The following SEMA3A variants were observed in gnomAD, a reference collection of about 807,000 sequenced individuals.
The protein encoded by SEMA3A is semaphorin 3A, also known as semaphorin-3A.
A neutral mutation model predicts 97.9 loss-of-function variants in SEMA3A; 29 were observed. That is an observed-to-expected ratio of 0.30 (90% confidence interval 0.22 to 0.40). SEMA3A has a LOEUF of 0.40. Ranked by LOEUF, SEMA3A falls within the 10% of genes least tolerant of loss-of-function variation. SEMA3A has a pLI of 1.00. For synonymous variants in SEMA3A, 321 were observed against 323.7 expected (o/e 0.99, Z 0.09); for missense variants, 763 against 951.3 (o/e 0.80, Z 2.60).
chr7:84,351,747 G>A (rs1001257961), intron 2 of SEMA3A, among the ~76,000 whole-genome samples: 1 of 152,014 alleles, frequency 6.6e-6, no homozygotes, highest in Non-Finnish European at 1.5e-5. Context: ...GAAGTAAAGA[G>A]AACCCTTGTA....
At chr7:84,312,301 A>G (rs1006929975) in intron 2 of SEMA3A, among the ~76,000 whole-genome samples, 1 of 151,892 alleles carries the variant, frequency 6.6e-6, no homozygotes, top group Non-Finnish European at 1.5e-5. Flanking sequence ...TAAAGTTCTT[A>G]GTGCCTTTTT....
intron 1 of SEMA3A, among the ~76,000 whole-genome samples, chr7:84,463,724 T>A (rs1427230008): frequency 6.6e-6 from 1 of 152,182 alleles, no homozygotes; most frequent in Non-Finnish European, 1.5e-5. Context: ...GTTCAACTTC[T>A]GAGAATCAAC....
chr7:84,420,195 A>G (rs1320399899), intron 1 of SEMA3A, among the ~76,000 whole-genome samples: 1 of 152,032 alleles, frequency 6.6e-6, no homozygotes, highest in Non-Finnish European at 1.5e-5. Context: ...CAGGAAAAAA[A>G]AAAAGTGACA....
At chr7:84,344,376 G>C (rs1802243872) in intron 2 of SEMA3A, among the ~76,000 whole-genome samples, 1 of 152,140 alleles carries the variant, frequency 6.6e-6, no homozygotes, top group African/African-American at 2.4e-5. Flanking sequence ...TCTCAGAGAA[G>C]AGCAATTAAT....
chr7:83,975,373 G>A (rs935519553), intron 15 of SEMA3A, among the ~76,000 whole-genome samples: 1 of 151,964 alleles, frequency 6.6e-6, no homozygotes, highest in African/African-American at 2.4e-5. Context: ...ATATATATTA[G>A]TCAATTGATT....
chr7:84,044,017 T>C (rs879895225), intron 6 of SEMA3A, among the ~76,000 whole-genome samples: 3 of 152,056 alleles, frequency 2.0e-5, no homozygotes, highest in Non-Finnish European at 4.4e-5. Context: ...TGTTATTCCA[T>C]CTTCTAATGA....
chr7:84,201,142 T>C (rs1022251291), intron 3 of SEMA3A, among the ~76,000 whole-genome samples: 4 of 152,076 alleles, frequency 2.6e-5, no homozygotes. Context: ...AGCAGATGCA[T>C]AGAGTTCCCC....
intron 3 of SEMA3A, among the ~76,000 whole-genome samples, chr7:84,299,258 A>C (rs962138623): frequency 3.6e-5 from 5 of 138,218 alleles, no homozygotes; most frequent in African/African-American, 8.0e-5. Context: ...ATATATATAT[A>C]TCTCCATATA....
chr7:84,094,669 C>A (rs1213018470), intron 4 of SEMA3A, among the ~76,000 whole-genome samples: 1 of 151,942 alleles, frequency 6.6e-6, no homozygotes, highest in Non-Finnish European at 1.5e-5. Context: ...TAATATGACA[C>A]CGATTCTAAA....
intron 12 of SEMA3A, among the ~76,000 whole-genome samples, chr7:83,994,885 C>G (rs1040189944): frequency 1.3e-4 from 20 of 152,128 alleles, no homozygotes; most frequent in Admixed American, 4.6e-4. Flanking sequence ...CTAATCAAGC[C>G]TGGGCAATGG....
At chr7:84,206,026 G>A (rs1798484159) in intron 3 of SEMA3A, among the ~76,000 whole-genome samples, 1 of 152,124 alleles carries the variant, frequency 6.6e-6, no homozygotes, top group Non-Finnish European at 1.5e-5. Flanking sequence ...AAATAGAGAT[G>A]ATTGAGTTAC....
At chr7:84,282,219 C>T (rs1800455540) in intron 3 of SEMA3A, among the ~76,000 whole-genome samples, 1 of 152,120 alleles carries the variant, frequency 6.6e-6, no homozygotes, top group African/African-American at 2.4e-5. Flanking sequence ...GCTGGATCCT[C>T]AAAGCTGGTT....
chr7:84,313,395 TATATATATATAA>T (rs1188543143), intron 2 of SEMA3A, among the ~76,000 whole-genome samples: 1 of 108,714 alleles, frequency 9.2e-6, no homozygotes, highest in African/African-American at 3.2e-5. Context: ...TATATATATA[TATATATATATAA>T]ACTATACGTG....
At chr7:84,460,024 C>T (rs1197657431) in intron 1 of SEMA3A, among the ~76,000 whole-genome samples, 1 of 152,090 alleles carries the variant, frequency 6.6e-6, no homozygotes, top group Admixed American at 6.6e-5. Flanking sequence ...GAGATGTTGT[C>T]TCAAAACAAG....
intron 2 of SEMA3A, among the ~76,000 whole-genome samples, chr7:84,133,827 G>C (rs978541436): frequency 6.7e-6 from 1 of 149,204 alleles, no homozygotes; most frequent in Admixed American, 6.8e-5. Flanking sequence ...AAGGCGGGCG[G>C]ATCACTTGAT....
chr7:84,066,383 C>A (rs1315243845), intron 4 of SEMA3A, among the ~76,000 whole-genome samples: 1 of 149,556 alleles, frequency 6.7e-6, no homozygotes, highest in Non-Finnish European at 1.5e-5. Flanking sequence ...CCCTCTCTCA[C>A]CACTCCTATT....
intron 4 of SEMA3A, among the ~76,000 whole-genome samples, chr7:84,101,896 C>G (rs1018129588): frequency 3.3e-5 from 5 of 151,632 alleles, no homozygotes; most frequent in Non-Finnish European, 7.4e-5. Flanking sequence ...AAAGGCAGTA[C>G]AAAAAATAAT....
intron 15 of SEMA3A, among the ~76,000 whole-genome samples, chr7:83,969,618 T>G (rs1195555646): frequency 6.6e-6 from 1 of 152,212 alleles, no homozygotes; most frequent in Non-Finnish European, 1.5e-5. Flanking sequence ...GAATAAAAGT[T>G]TAATCAATCA....
chr7:84,253,579 T>G (rs1211436853), intron 3 of SEMA3A, among the ~76,000 whole-genome samples: 2 of 152,202 alleles, frequency 1.3e-5, no homozygotes, highest in African/African-American at 4.8e-5. Context: ...ATGCATATAA[T>G]ATACATGCTT....
Sources: allele counts gnomAD v4.1 joint callset (sites outside exome capture counted in the v4.1 genomes callset), GRCh38; gene constraint gnomAD v4.1.1; transcripts MANE v1.5; gene names NCBI Gene and HGNC (gene_info 2026-07-23, HGNC 2026-07-21).